PTBP2: variants seen among roughly 807,000 people sequenced by gnomAD.
PTBP2 encodes polypyrimidine tract-binding protein 2.
In PTBP2, 13 loss-of-function variants were observed where a neutral mutation model predicts 61.4. The observed-to-expected ratio is 0.21, with a 90% CI of 0.14 to 0.34. PTBP2 has a LOEUF of 0.34. Ranked by LOEUF, PTBP2 falls within the 10% of genes least tolerant of loss-of-function variation. The probability of loss-of-function intolerance (pLI) is 1.00; values close to 1 mark genes in which losing one functional copy is unlikely to be tolerated. For missense variants in PTBP2, 405 were observed against 642.6 expected (o/e 0.63, Z 4.00); for synonymous variants, 215 against 218.5 (o/e 0.98, Z 0.14).
intron 3 of PTBP2, among the ~76,000 whole-genome samples, chr1:96,763,547 C>G (rs543336565): frequency 1.4e-4 from 19 of 139,710 alleles, no homozygotes; most frequent in African/African-American, 2.9e-4. Flanking sequence ...AGCTTCGGCT[C>G]GTCATCAGAG....
chr1:96,728,446 C>T (rs1377364749), intron 2 of PTBP2, among the ~76,000 whole-genome samples: 1 of 152,170 alleles, frequency 6.6e-6, no homozygotes, highest in Non-Finnish European at 1.5e-5. Flanking sequence ...AAAAGACTAT[C>T]CTTTCTCCAT....
chr1:96,734,951 C>G (rs1490083364), intron 2 of PTBP2, among the ~76,000 whole-genome samples: 1 of 145,506 alleles, frequency 6.9e-6, no homozygotes, highest in African/African-American at 2.6e-5. Context: ...AGAGTCTTGC[C>G]CTGTTGCCCA....
chr1:96,751,374 A>C (rs762946124), intron 2 of PTBP2, 51 bp from the exon 3 acceptor site: 2 of 1,353,706 alleles, frequency 1.5e-6, no homozygotes, highest in East Asian at 4.6e-5. Flanking sequence ...TTTTAGATTA[A>C]TATTTTTAAA....
intron 3 of PTBP2, among the ~76,000 whole-genome samples, chr1:96,757,388 G>A (rs1292432959): frequency 6.6e-6 from 1 of 152,124 alleles, no homozygotes; most frequent in Non-Finnish European, 1.5e-5. Context: ...TGAAGGGTCA[G>A]TTTATCAGAA....
At position 96,777,495 on chromosome 1, in the gene PTBP2, C is replaced by A; in HGVS notation, c.433-90C>A. On this transcript the variant is annotated intron_variant, in intron 5 of 13. Transcript: ENST00000674951. ...TAATTTTGTTTAATCTGTGTAAGTT[C>A]TAGGAACAAAGTGAACTAGTAGTGT... is the stretch of plus-strand genomic sequence containing the variant. 4 of 1,191,660 alleles carry A rather than the reference C, an allele frequency of 3.4e-6. 1 individual carries two copies. In the South Asian group the frequency reaches 5.9e-5, roughly 18 times the overall value. The allele number at this position is 1,191,660 out of a possible 1,614,324, so 73.8% of individuals were successfully genotyped here.
chr1:96,724,113 A>G (rs1557677474), intron 2 of PTBP2, among the ~76,000 whole-genome samples: 1 of 152,172 alleles, frequency 6.6e-6, no homozygotes, highest in Non-Finnish European at 1.5e-5. Flanking sequence ...TCTATTAAAG[A>G]AAGTCTTTAT....
intron 2 of PTBP2, among the ~76,000 whole-genome samples, chr1:96,730,954 G>A (rs1056406132): frequency 1.2e-4 from 18 of 152,054 alleles, no homozygotes; most frequent in African/African-American, 3.1e-4. Context: ...GTGTTGTTTC[G>A]GCGAGGCAAA....
intron 8 of PTBP2, among the ~76,000 whole-genome samples, chr1:96,786,807 C>G (rs1408016714): frequency 6.6e-6 from 1 of 151,988 alleles, no homozygotes; most frequent in Non-Finnish European, 1.5e-5. Context: ...AGATAAAATA[C>G]CAAGAAACTC....
At chr1:96,810,961 G>T (rs1662022644) in intron 11 of PTBP2, among the ~76,000 whole-genome samples, 1 of 152,104 alleles carries the variant, frequency 6.6e-6, no homozygotes, top group Non-Finnish European at 1.5e-5. Context: ...CTTGTGAGAA[G>T]ATTGTTTTGT....
chr1:96,729,844 C>T (rs1220647804), intron 2 of PTBP2, among the ~76,000 whole-genome samples: 4 of 149,962 alleles, frequency 2.7e-5, no homozygotes, highest in Non-Finnish European at 5.9e-5. Context: ...TCACGCGGTT[C>T]TCCTGCCTCA....
At chr1:96,743,920 C>G (rs1344638906) in intron 2 of PTBP2, among the ~76,000 whole-genome samples, 2 of 152,042 alleles carry the variant, frequency 1.3e-5, no homozygotes, top group Non-Finnish European at 2.9e-5. Context: ...TGGCTAAAGC[C>G]TGTAATCCCA....
intron 5 of PTBP2, among the ~76,000 whole-genome samples, chr1:96,772,836 G>T (rs983241856): frequency 1.3e-5 from 2 of 151,932 alleles, no homozygotes; most frequent in Non-Finnish European, 2.9e-5. Context: ...CTGGGGGCTG[G>T]GCTTGGTGGC....
downstream of PTBP2, chr1:96,817,270 A>T (rs936709688): frequency 1.3e-5 from 2 of 152,128 alleles, no homozygotes; most frequent in Non-Finnish European, 2.9e-5. Context: ...GCCTTAATAT[A>T]TTAAAATGGA....
intron 7 of PTBP2, among the ~76,000 whole-genome samples, chr1:96,782,074 T>C (rs1658734681): frequency 6.6e-6 from 1 of 152,010 alleles, no homozygotes; most frequent in African/African-American, 2.4e-5. Flanking sequence ...AAAAATTGTT[T>C]TTACATAGTC....
downstream of PTBP2, chr1:96,815,887 G>A (rs1454022947): frequency 6.6e-6 from 1 of 152,134 alleles, no homozygotes; most frequent in African/African-American, 2.4e-5. Flanking sequence ...CATCAGATAA[G>A]TCTAAAGTCT....
At chr1:96,767,515 G>A (rs988603912) in intron 3 of PTBP2, among the ~76,000 whole-genome samples, 2 of 151,964 alleles carry the variant, frequency 1.3e-5, no homozygotes, top group African/African-American at 2.4e-5. Flanking sequence ...ATTTGTTCTC[G>A]TTATTCAAAC....
chr1:96,813,493 ATTTT>A lies in PTBP2; in HGVS notation c.*93_*96del. ...TCAGAAAAGTGGGGACCAGAGTTTG[ATTTT>A]TTTTGTTTTTGTTTTTTTGGGGTTT... On this transcript the variant is annotated 3_prime_UTR_variant, in exon 14 of 14. Coordinates refer to ENST00000674951, the MANE Select transcript of PTBP2 (RefSeq NM_021190.4). The A allele has an allele frequency of 7.9e-7, 1 of 1,262,286 alleles. No homozygotes were observed. The highest frequency in any genetic ancestry group is 2.8e-5 in the East Asian group (1 of 36,356). 78.2% of individuals were successfully genotyped at this position (1,262,286 alleles called of 1,614,324 possible).
At position 96,740,814 on chromosome 1, in the gene PTBP2, T is replaced by C. The variant is rs538960572; in HGVS notation, c.40-10611T>C. 8.7e-4 allele frequency among the ~76,000 whole-genome samples: 133 copies of C among 152,094 alleles called. No homozygotes were observed. The South Asian group carries it at 0.014, about 17-fold the overall frequency. On this transcript the variant is annotated intron_variant, in intron 2 of 13. Transcript: ENST00000674951. Reference sequence around the variant, plus strand: ...ATATATATATATTTTCATTGCCATATAGTATATGATATATGAATATATCAT... The same window carrying C: ...ATATATATATATTTTCATTGCCATACAGTATATGATATATGAATATATCAT...
chr1:96,767,273 T>G (rs1294367240), intron 3 of PTBP2, among the ~76,000 whole-genome samples: 1 of 152,166 alleles, frequency 6.6e-6, no homozygotes, highest in Non-Finnish European at 1.5e-5. Context: ...ATAATAGGTT[T>G]AGGCAGGCTT....
Sources: gnomAD v4.1 joint callset for allele counts (sites outside exome capture counted in the v4.1 genomes callset) on GRCh38, gnomAD v4.1.1 for gene constraint, MANE v1.5 for transcripts, NCBI Gene and HGNC (gene_info 2026-07-23, HGNC 2026-07-21) for gene names.